ARHGAP31: variants seen among roughly 807,000 people sequenced by gnomAD.
The protein encoded by ARHGAP31 is rho GTPase-activating protein 31.
In ARHGAP31, 34 loss-of-function variants were observed where a neutral mutation model predicts 113.9. The ratio of observed to expected loss-of-function variants is 0.30; its 90% CI spans 0.23 to 0.40. The LOEUF (loss-of-function observed/expected upper bound fraction) is 0.40. Among genes scored for constraint, ARHGAP31 ranks in the 10% least tolerant of loss-of-function variants. The probability of loss-of-function intolerance (pLI) is 1.00; values close to 1 mark genes in which losing one functional copy is unlikely to be tolerated. For synonymous variants in ARHGAP31, 650 were observed against 684.8 expected, an observed-to-expected ratio of 0.95 and a Z score of 0.79; for missense variants, 1,548 against 1,767.1, an observed-to-expected ratio of 0.88 and a Z score of 2.22.
At chr3:119,372,165 C>T (rs112631862) in intron 3 of ARHGAP31, among the ~76,000 whole-genome samples, 2,607 of 152,154 alleles carry the variant, frequency 0.017, 47 homozygotes, top group East Asian at 0.061. Context: ...CTGTTTTTAG[C>T]TCTTTGAGGA....
Position 119,324,711 on chromosome 3 carries a change from A to G in ARHGAP31, c.100+29707A>G, listed in dbSNP as rs74375917. 7.1e-3 allele frequency among the ~76,000 whole-genome samples: 1,075 copies of G among 152,330 alleles called. 9 individuals carry two copies. Among genetic ancestry groups the G allele is most frequent in the African/African-American group, 0.025 (1,029 of 41,566 alleles). On this transcript the variant is annotated intron_variant, in intron 1 of 11. Coordinates refer to ENST00000264245, the MANE Select transcript of ARHGAP31 (RefSeq NM_020754.4). Reference sequence around the variant, plus strand: ...TTTAAGGATAGACGTGGAAAAACAAAGAGTGGGGAGAGGAGTCTTTCTCTA... The same window carrying G: ...TTTAAGGATAGACGTGGAAAAACAAGGAGTGGGGAGAGGAGTCTTTCTCTA...
rs747536505 is a variant in ARHGAP31, at chr3:119,390,772, A to G, written c.683-13A>G. ...GCCTCCTCCAACACTGAGCTCTTCCATTGCCTTTACAGAAAACCGGCCCAT... is the reference window on the plus strand; with the variant it reads ...GCCTCCTCCAACACTGAGCTCTTCCGTTGCCTTTACAGAAAACCGGCCCAT... On this transcript the variant is annotated splice_polypyrimidine_tract_variant and intron_variant, in intron 6 of 11. Coordinates refer to ENST00000264245, the MANE Select transcript of ARHGAP31 (RefSeq NM_020754.4). The G allele has an allele frequency of 2.5e-6, 4 of 1,611,514 alleles. No individual in the cohort carries two copies. In the South Asian group the frequency reaches 3.3e-5, roughly 13 times the overall value.
At chr3:119,365,083 G>A (rs538653995) in intron 1 of ARHGAP31, among the ~76,000 whole-genome samples, 2 of 152,200 alleles carry the variant, frequency 1.3e-5, no homozygotes, top group African/African-American at 4.8e-5. Flanking sequence ...AACAGAGCAA[G>A]TCTCAAAAGC....
chr3:119,310,039 T>C (rs1576987437), intron 1 of ARHGAP31, among the ~76,000 whole-genome samples: 1 of 151,470 alleles, frequency 6.6e-6, no homozygotes, highest in Non-Finnish European at 1.5e-5. Flanking sequence ...CAAAACCACA[T>C]AGCTGGTACT....
At chr3:119,341,798 A>G (rs895771734) in intron 1 of ARHGAP31, 3 of 151,540 alleles carry the variant, frequency 2.0e-5, no homozygotes, top group African/African-American at 7.3e-5. Flanking sequence ...GCTACCTCTC[A>G]GGGGTCTGCC....
chr3:119,402,261 C>T lies in ARHGAP31; in HGVS notation c.1509C>T (p.Ser503=), dbSNP rs777477089. 8.7e-6 allele frequency: 14 copies of T among 1,614,154 alleles called. No homozygotes were observed. Among genetic ancestry groups the T allele is most frequent in the Non-Finnish European group, 1.2e-5 (14 of 1,180,060 alleles). The part of the protein sequence containing the change: ...SVPLRVSAVI[S]TNSTPCRTPP... Reference sequence around the variant, plus strand: ...CGCTCCGCGTGTCCGCAGTCATCAGCACCAACAGCACGCCGTGCAGAACAC... The same window carrying T: ...CGCTCCGCGTGTCCGCAGTCATCAGTACCAACAGCACGCCGTGCAGAACAC... Residue 503 remains serine, a synonymous_variant, in exon 10 of 12, where the codon AGC becomes AGT. Coordinates refer to ENST00000264245, the MANE Select transcript of ARHGAP31 (RefSeq NM_020754.4).
intron 7 of ARHGAP31, among the ~76,000 whole-genome samples, chr3:119,391,608 C>CT (rs1156848734): frequency 4.3e-5 from 6 of 140,736 alleles, no homozygotes; most frequent in African/African-American, 8.4e-5. Context: ...TCCCCCCCGC[C>CT]GTCACTCATA....
chr3:119,413,654 G>A (rs565127594), intron 11 of ARHGAP31, among the ~76,000 whole-genome samples: 11 of 152,262 alleles, frequency 7.2e-5, no homozygotes, highest in Non-Finnish European at 1.2e-4. Context: ...GAGTAGTTGG[G>A]AAAATTACAC....
At chr3:119,320,518 A>G (rs936029932) in intron 1 of ARHGAP31, among the ~76,000 whole-genome samples, 3 of 152,238 alleles carry the variant, frequency 2.0e-5, no homozygotes, top group African/African-American at 7.2e-5. Context: ...TTATCCTGAT[A>G]AATACAGTAA....
intron 1 of ARHGAP31, among the ~76,000 whole-genome samples, chr3:119,342,517 T>C (rs963061711): frequency 6.6e-5 from 10 of 152,166 alleles, no homozygotes; most frequent in African/African-American, 2.4e-4. Flanking sequence ...CCCACAAGGA[T>C]GACTGCCCCC....
At chr3:119,304,409 G>A (rs2079612252) in intron 1 of ARHGAP31, among the ~76,000 whole-genome samples, 1 of 152,130 alleles carries the variant, frequency 6.6e-6, no homozygotes, top group Admixed American at 6.5e-5. Context: ...TCATCTGACC[G>A]AGTTATGACA....
At chr3:119,331,805 A>T (rs891511273) in intron 1 of ARHGAP31, among the ~76,000 whole-genome samples, 4 of 152,184 alleles carry the variant, frequency 2.6e-5, no homozygotes, top group African/African-American at 9.7e-5. Context: ...AAGAAACCTC[A>T]TAGGGCAGCT....
At chr3:119,338,891 T>C (rs2079982943) in intron 1 of ARHGAP31, among the ~76,000 whole-genome samples, 1 of 152,192 alleles carries the variant, frequency 6.6e-6, no homozygotes, top group Admixed American at 6.5e-5. Context: ...CCAAGTTATT[T>C]AGGGAATATT....
chr3:119,414,482 T>C lies in ARHGAP31; in HGVS notation c.2553T>C (p.Asn851=), dbSNP rs779099192. The C allele has an allele frequency of 6.2e-7, 1 of 1,614,156 alleles. No individual in the cohort carries two copies. The highest frequency in any genetic ancestry group is 8.5e-7 in the Non-Finnish European group (1 of 1,180,032). The change falls in exon 12 of 12, where the codon AAT becomes AAC. Residue 851 remains asparagine, a synonymous_variant. Coordinates refer to ENST00000264245, the MANE Select transcript of ARHGAP31 (RefSeq NM_020754.4). The part of the protein sequence containing the change: ...PRHSDKQNSK[N]AASEGKGCGF... ...ACAGTGACAAGCAAAATTCAAAGAA[T>C]GCTGCTTCTGAGGGGAAAGGCTGTG...
intron 6 of ARHGAP31, among the ~76,000 whole-genome samples, chr3:119,384,429 A>G (rs551654295): frequency 1.6e-4 from 24 of 152,330 alleles, no homozygotes; most frequent in African/African-American, 5.5e-4. Context: ...CTATAACAGA[A>G]TACCGTAGAC....
chr3:119,327,432 C>G (rs1296921767), intron 1 of ARHGAP31, among the ~76,000 whole-genome samples: 1 of 151,806 alleles, frequency 6.6e-6, no homozygotes, highest in African/African-American at 2.4e-5. Context: ...GTAATCCCAG[C>G]TACTTGGGAG....
intron 10 of ARHGAP31, among the ~76,000 whole-genome samples, chr3:119,406,603 C>T (rs1377421547): frequency 2.0e-5 from 3 of 152,170 alleles, no homozygotes; most frequent in Admixed American, 6.5e-5. Flanking sequence ...CAAACTCCAG[C>T]GAATCTGTCG....
intron 6 of ARHGAP31, among the ~76,000 whole-genome samples, chr3:119,390,070 A>G (rs1240555377): frequency 6.6e-6 from 1 of 152,168 alleles, no homozygotes; most frequent in East Asian, 1.9e-4. Flanking sequence ...ACACAAAATC[A>G]CCTCAAGGTG....
At chr3:119,357,367 T>G (rs1345234994) in intron 1 of ARHGAP31, among the ~76,000 whole-genome samples, 2 of 152,122 alleles carry the variant, frequency 1.3e-5, no homozygotes, top group Non-Finnish European at 2.9e-5. Flanking sequence ...CAGAGCATAT[T>G]CAGGAAGTGG....
Sources: allele counts gnomAD v4.1 joint callset (sites outside exome capture counted in the v4.1 genomes callset), GRCh38; gene constraint gnomAD v4.1.1; transcripts MANE v1.5; gene names NCBI Gene and HGNC (gene_info 2026-07-23, HGNC 2026-07-21).